The following ZBTB40 variants were observed in gnomAD, a reference collection of about 807,000 sequenced individuals.
ZBTB40 encodes the protein zinc finger and BTB domain containing 40.
A neutral mutation model predicts 117.5 loss-of-function variants in ZBTB40; 60 were observed. That is an observed-to-expected ratio of 0.51 (90% CI 0.41 to 0.63). The LOEUF (loss-of-function observed/expected upper bound fraction) is 0.63. Ranked by LOEUF, ZBTB40 falls within the 30% of genes least tolerant of loss-of-function variation. The pLI, the probability that ZBTB40 is intolerant of heterozygous loss-of-function variation, is 0.00. For missense variants in ZBTB40, 1,287 were observed against 1,498.5 expected (o/e 0.86, Z 2.33); for synonymous variants, 525 against 577.1 (o/e 0.91, Z 1.29).
At chr1:22,466,755 G>A (rs1641266371) in intron 1 of ZBTB40, among the ~76,000 whole-genome samples, 1 of 150,862 alleles carries the variant, frequency 6.6e-6, no homozygotes, top group South Asian at 2.1e-4. Flanking sequence ...TTATTGTTGA[G>A]TTGTAAGAGT....
chr1:22,496,708 GTC>G (rs761016547), intron 3 of ZBTB40, among the ~76,000 whole-genome samples: 25 of 152,170 alleles, frequency 1.6e-4, no homozygotes, highest in African/African-American at 5.8e-4. Flanking sequence ...CTTTCTCCCT[GTC>G]TCTCAGCAAT....
At position 22,501,681 on chromosome 1, in the gene ZBTB40, A is replaced by G. The variant is rs1268494983; in HGVS notation, c.1021A>G (p.Lys341Glu). Residue 341 changes from lysine to glutamate, a missense_variant, in exon 4 of 18, where the codon AAA becomes GAA. By Grantham distance (56) the Lys-to-Glu change is moderately conservative (BLOSUM62 1). Around this residue, in one of 2 missense-constraint regions of ZBTB40, gnomAD observed 870 missense variants for 934.4 expected, o/e 0.93. Transcript: ENST00000375647. ...AGAAGATGTAGACACAGTGCAGCCAAAAGGTAGGAGAAGATCCTATGCATT... is the reference window on the plus strand; with the variant it reads ...AGAAGATGTAGACACAGTGCAGCCAGAAGGTAGGAGAAGATCCTATGCATT... ...KPEDVDTVQP[K>E]GSTEEGKTLS... The G allele has an allele frequency of 5.6e-6, 9 of 1,613,494 alleles. No individual in the cohort carries two copies. Among genetic ancestry groups the G allele is most frequent in the Non-Finnish European group, 7.6e-6 (9 of 1,179,956 alleles).
In ZBTB40 at chr1:22,490,432, G is replaced by C. The variant is rs757016557; in HGVS notation, c.484G>C (p.Glu162Gln). The C allele has an allele frequency of 6.2e-7, 1 of 1,607,572 alleles. No individual in the cohort carries two copies. Among genetic ancestry groups the C allele is most frequent in the South Asian group, 1.1e-5 (1 of 90,566 alleles). ...TGCTGGAGAGCCTCATTCTTCCCCA[G>C]AGCTTGCTGCCACTCCAGGGGGCCC... ...EGAGEPHSSP[E>Q]LAATPGGPVK... Residue 162 changes from glutamate (E) to glutamine (Q), a missense_variant, in exon 2 of 18, where the codon GAG becomes CAG. By Grantham distance (29) the Glu-to-Gln change is conservative (BLOSUM62 2). Transcript: ENST00000375647.
chr1:22,474,297 G>A (rs888433917), intron 1 of ZBTB40, among the ~76,000 whole-genome samples: 3 of 152,244 alleles, frequency 2.0e-5, no homozygotes, highest in African/African-American at 7.2e-5. Flanking sequence ...GATGATACAT[G>A]TGAGAGATAC....
chr1:22,509,178 T>C lies in ZBTB40; in HGVS notation c.1778T>C (p.Ile593Thr), dbSNP rs202173272. The C allele has an allele frequency of 3.5e-5, 57 of 1,614,054 alleles. 1 individual carries two copies. The Middle Eastern group carries it at 2.8e-3, about 79-fold the overall frequency. The change falls in exon 9 of 18, where the codon ATT becomes ACT. Residue 593 changes from isoleucine to threonine, a missense_variant. Transcript: ENST00000375647. ...QLILEAIQQK[I>T]EYKLFTSEEE... ...ATCTTGGAGGCCATCCAACAGAAGA[T>C]TGAGTACAAGCTCTTTACCTCGGAG...
In ZBTB40 at chr1:22,511,607, G is replaced by T; in HGVS notation, c.2003-69G>T. 2.0e-6 allele frequency: 3 copies of T among 1,536,576 alleles called. No homozygotes were observed. The African/African-American group carries it at 4.2e-5, about 21-fold the overall frequency. On this transcript the variant is annotated intron_variant, in intron 10 of 17. Coordinates refer to ENST00000375647, the MANE Select transcript of ZBTB40 (RefSeq NM_014870.4). ...GTCTCTAGTCTCCTGTAAGAAGTGT[G>T]TTAGAAACGTTATAAAGCAAAATAG...
intron 1 of ZBTB40, among the ~76,000 whole-genome samples, chr1:22,433,552 G>A (rs946589924): frequency 6.7e-6 from 1 of 148,972 alleles, no homozygotes; most frequent in African/African-American, 2.5e-5. Flanking sequence ...ACAGGAGGAT[G>A]TGTGTAGGTT....
At chr1:22,498,126 A>G (rs1557507870) in intron 3 of ZBTB40, among the ~76,000 whole-genome samples, 1 of 152,218 alleles carries the variant, frequency 6.6e-6, no homozygotes. Flanking sequence ...ATATTTACCT[A>G]TATTTCACTC....
chr1:22,498,711 A>G (rs1055175458), intron 3 of ZBTB40, among the ~76,000 whole-genome samples: 7 of 151,894 alleles, frequency 4.6e-5, no homozygotes, highest in African/African-American at 1.7e-4. Context: ...TCCCTTCCCC[A>G]CTGGCTCAAA....
At chr1:22,492,709 A>C (rs1319548240) in intron 3 of ZBTB40, among the ~76,000 whole-genome samples, 1 of 152,256 alleles carries the variant, frequency 6.6e-6, no homozygotes, top group East Asian at 1.9e-4. Flanking sequence ...GTTAACTGAC[A>C]GTCGACTATA....
Position 22,502,442 on chromosome 1 carries a change from G to A in ZBTB40, c.1167+1G>A, listed in dbSNP as rs755887030. 4 of 1,613,994 alleles carry A rather than the reference G, an allele frequency of 2.5e-6. No homozygotes were observed. The highest frequency in any genetic ancestry group is 1.7e-5 in the Admixed American group (1 of 60,022). On this transcript the variant is annotated splice_donor_variant, in intron 5 of 17. Transcript: ENST00000375647. LOFTEE classifies it high-confidence loss of function. ...ATTCCTGACTGGCACTGAAAAAAGG[G>A]TAACTGTGTCAAGTGTCTCCTCCCT...
At chr1:22,468,385 T>C (rs1011949892) in intron 1 of ZBTB40, among the ~76,000 whole-genome samples, 11 of 151,812 alleles carry the variant, frequency 7.2e-5, no homozygotes, top group Admixed American at 6.6e-5. Flanking sequence ...CCAGGCTGAA[T>C]TTTTAATCAG....
In ZBTB40 at chr1:22,526,442, G is replaced by T. The variant is rs1639681587; in HGVS notation, c.*46G>T. On this transcript the variant is annotated 3_prime_UTR_variant, in exon 18 of 18. Transcript: ENST00000375647. ...GCCTTCCTGCGTTTGCAGCAGAGAGGAGGCCCCACAGCTTGCCCTTTGCCC... is the reference window on the plus strand; with the variant it reads ...GCCTTCCTGCGTTTGCAGCAGAGAGTAGGCCCCACAGCTTGCCCTTTGCCC... The T allele has an allele frequency of 6.2e-7, 1 of 1,610,938 alleles. No individual in the cohort carries two copies. Among genetic ancestry groups the T allele is most frequent in the African/African-American group, 1.3e-5 (1 of 74,888 alleles).
chr1:22,504,611 A>G (rs561507058), intron 5 of ZBTB40, among the ~76,000 whole-genome samples: 1 of 152,340 alleles, frequency 6.6e-6, no homozygotes, highest in South Asian at 2.1e-4. Context: ...AATCATATCA[A>G]TAACATAGTC....
intron 8 of ZBTB40, 141 bp from the exon 9 acceptor site, chr1:22,508,959 T>G: frequency 7.7e-7 from 1 of 1,304,764 alleles, no homozygotes; most frequent in Non-Finnish European, 1.1e-6. Flanking sequence ...ACAGTGCTAT[T>G]TGCCGTTTTC....
At chr1:22,477,510 A>G (rs1294270126) in intron 1 of ZBTB40, among the ~76,000 whole-genome samples, 1 of 152,060 alleles carries the variant, frequency 6.6e-6, no homozygotes, top group Non-Finnish European at 1.5e-5. Context: ...TTAGCTGGGC[A>G]TGGTGGCACG....
chr1:22,497,092 A>C (rs573459144), intron 3 of ZBTB40, among the ~76,000 whole-genome samples: 1 of 152,354 alleles, frequency 6.6e-6, no homozygotes, highest in East Asian at 1.9e-4. Context: ...ATGAAGGCTG[A>C]AATTGTCTTC....
In ZBTB40 at chr1:22,526,995, T is replaced by TAGGAC. The variant is rs1639697526; in HGVS notation, c.*603_*607dup. The TAGGAC allele has an allele frequency of 5.9e-6, 1 of 169,422 alleles. No individual in the cohort carries two copies. Among genetic ancestry groups the TAGGAC allele is most frequent in the South Asian group, 1.5e-4 (1 of 6,896 alleles). 10.5% of individuals were successfully genotyped at this position (169,422 alleles called of 1,614,324 possible). A position where few individuals can be genotyped will look rare whatever the true frequency, so the allele number is the denominator to read the frequency against. ...ACGCCCAGCACCCTATTGATGGCTA[T>TAGGAC]AGGACAGGTAGCCCTCATTTCCATG... On this transcript the variant is annotated 3_prime_UTR_variant, in exon 18 of 18. Transcript: ENST00000375647.
chr1:22,520,073 C>T lies in ZBTB40; in HGVS notation c.2846C>T (p.Pro949Leu). 6.2e-7 allele frequency: 1 copy of T among 1,614,192 alleles called. No homozygotes were observed. The highest frequency in any genetic ancestry group is 1.6e-4 in the Middle Eastern group (1 of 6,062). The change falls in exon 14 of 18, where the codon CCT becomes CTT. Residue 949 changes from proline (P) to leucine (L), a missense_variant. Physicochemically the swap from Pro to Leu is moderately conservative, Grantham distance 98 (BLOSUM62 -3). Transcript: ENST00000375647. ...HLHTFHNIEDPYDCKKCRMSF... is the reference protein window; with the variant it reads ...HLHTFHNIEDLYDCKKCRMSF... ...CCCGTGAAACTAGACATAGAAGATCCTTATGACTGCAAGAAGTGCAGGATG... is the reference window on the plus strand; with the variant it reads ...CCCGTGAAACTAGACATAGAAGATCTTTATGACTGCAAGAAGTGCAGGATG...
Sources: allele counts gnomAD v4.1 joint callset (sites outside exome capture counted in the v4.1 genomes callset), GRCh38; gene constraint gnomAD v4.1.1; regional missense constraint gnomAD v4.1.1; transcripts MANE v1.5; gene names NCBI Gene and HGNC (gene_info 2026-07-23, HGNC 2026-07-21).